SLC9A1: variants seen among roughly 807,000 people sequenced by gnomAD.
The protein encoded by SLC9A1 is solute carrier family 9 member A1, also known as sodium/hydrogen exchanger 1.
In SLC9A1, 22 loss-of-function variants were observed where a neutral mutation model predicts 67.9. The observed-to-expected ratio is 0.32, with a 90% CI of 0.23 to 0.46. SLC9A1 has a LOEUF of 0.46. SLC9A1 is among the 20% of genes least tolerant of loss of function. The pLI is 1.00. For synonymous variants in SLC9A1, 421 were observed against 471.8 expected (o/e 0.89, Z 1.40); for missense variants, 686 against 1,094.8 (o/e 0.63, Z 5.27).
intron 1 of SLC9A1, among the ~76,000 whole-genome samples, chr1:27,121,177 T>C (rs1192781368): frequency 6.6e-6 from 1 of 152,178 alleles, no homozygotes; most frequent in Admixed American, 6.5e-5. Context: ...CTTCTATTTC[T>C]TGCTTGTTTC....
chr1:27,107,101 A>C, intron 4 of SLC9A1, among the ~76,000 whole-genome samples: 1 of 110,342 alleles, frequency 9.1e-6, no homozygotes. Context: ...CAGCCCCTCC[A>C]CACACACACA....
chr1:27,134,378 C>G (rs1397746580), intron 1 of SLC9A1, among the ~76,000 whole-genome samples: 3 of 152,226 alleles, frequency 2.0e-5, no homozygotes, highest in Non-Finnish European at 4.4e-5. Flanking sequence ...ATAACCAGCA[C>G]ACATCACTTT....
At chr1:27,128,242 G>A (rs996762667) in intron 1 of SLC9A1, among the ~76,000 whole-genome samples, 1 of 144,700 alleles carries the variant, frequency 6.9e-6, no homozygotes, top group Non-Finnish European at 1.6e-5. Flanking sequence ...GGCAAATCAC[G>A]GTACTGCCCT....
chr1:27,144,158 A>G (rs2083467943), intron 1 of SLC9A1, among the ~76,000 whole-genome samples: 1 of 152,264 alleles, frequency 6.6e-6, no homozygotes, highest in Non-Finnish European at 1.5e-5. Flanking sequence ...CTGTCCAGGT[A>G]CAACTATAAA....
In SLC9A1 at chr1:27,106,389, A is replaced by G. The variant is rs2083185053; in HGVS notation, c.1283-302T>C. On this transcript the variant is annotated intron_variant, in intron 4 of 11. Coordinates refer to ENST00000263980, the MANE Select transcript of SLC9A1 (RefSeq NM_003047.5). The surrounding 1 kb of genome is among the most constrained non-coding windows in gnomAD (Gnocchi z 4.3). ...GATCAAACAAGATGGGTCACAGGTC[A>G]ATACTTGTTAAATGTGATGGGTGTG... Among the ~76,000 whole-genome samples, 1 of 152,112 alleles carries G rather than the reference A, an allele frequency of 6.6e-6. No individual in the cohort carries two copies. The highest frequency in any genetic ancestry group is 2.4e-5 in the African/African-American group (1 of 41,420).
At chr1:27,138,056 C>T (rs367857801) in intron 1 of SLC9A1, among the ~76,000 whole-genome samples, 13 of 152,216 alleles carry the variant, frequency 8.5e-5, no homozygotes, top group African/African-American at 2.4e-4. Context: ...CCGACTCTAT[C>T]GCACTCCCAG....
chr1:27,100,319 G>C lies in SLC9A1; in HGVS notation c.2436C>G (p.Pro812=). ...GCTGGCCCTGGTGTTACTGCCCCTT[G>C]GGGAAGAACGGTTCTCCCTCCCCAG... ...PEPGEGEPFF[P]KGQ is the part of the protein sequence containing the mutation. Residue 812 remains proline, a synonymous_variant, in exon 12 of 12, where the codon CCC becomes CCG. Coordinates refer to ENST00000263980, the MANE Select transcript of SLC9A1 (RefSeq NM_003047.5). The surrounding 1 kb of genome is among the most constrained non-coding windows in gnomAD (Gnocchi z 5.6). The C allele has an allele frequency of 6.5e-7, 1 of 1,529,130 alleles. No homozygotes were observed. The allele number at this position is 1,529,130 out of a possible 1,614,324, so 94.7% of individuals were successfully genotyped here.
In SLC9A1 at chr1:27,118,969, G is replaced by T. The variant is rs36148530; in HGVS notation, c.353-4683C>A. 0.34 allele frequency among the ~76,000 whole-genome samples: 50,648 copies of T among 150,994 alleles called. 8,892 individuals carry two copies. Among genetic ancestry groups the T allele is most frequent in the Non-Finnish European group, 0.37 (25,137 of 67,744 alleles). On this transcript the variant is annotated intron_variant, in intron 1 of 11. Coordinates refer to ENST00000263980, the MANE Select transcript of SLC9A1 (RefSeq NM_003047.5). This position sits in a 1 kb window ranked among gnomAD's most constrained non-coding sequence, Gnocchi z 4.3. ...CCCTCTGACACAGTTCAGAGTTGGC[G>T]CTCCTTTTAGAAGAGGCTGGGGGAT...
At chr1:27,104,667 G>C (rs1023748897) in intron 5 of SLC9A1, among the ~76,000 whole-genome samples, 12 of 152,194 alleles carry the variant, frequency 7.9e-5, no homozygotes, top group Admixed American at 7.9e-4. Context: ...GGGATCATAG[G>C]CGTGAGCCAC....
chr1:27,101,140 C>T lies in SLC9A1; in HGVS notation c.2110+63G>A. 1 of 1,265,786 alleles carries T rather than the reference C, an allele frequency of 7.9e-7. No individual in the cohort carries two copies. Among genetic ancestry groups the T allele is most frequent in the South Asian group, 1.2e-5 (1 of 82,034 alleles). 78.4% of individuals were successfully genotyped at this position (1,265,786 alleles called of 1,614,324 possible). ...GTGGCTGAGGACTGTTCCTGTGGAG[C>T]CCCATCCTCAGGAGGTGGCAGCTCA... On this transcript the variant is annotated intron_variant, in intron 11 of 11. Transcript: ENST00000263980. The surrounding 1 kb of genome is among the most constrained non-coding windows in gnomAD (Gnocchi z 4.9).
chr1:27,123,760 C>T (rs1172186523), intron 1 of SLC9A1, among the ~76,000 whole-genome samples: 1 of 152,100 alleles, frequency 6.6e-6, no homozygotes, highest in Non-Finnish European at 1.5e-5. Context: ...ATCCACCTGC[C>T]TTGGCGTCCC....
intron 1 of SLC9A1, among the ~76,000 whole-genome samples, chr1:27,147,995 CA>C (rs376077372): frequency 6.6e-4 from 94 of 141,938 alleles, no homozygotes; most frequent in Admixed American, 6.3e-4. Context: ...ACTCTTGTAT[CA>C]AAAAAAAAAA....
chr1:27,103,585 C>T (rs778391322), intron 5 of SLC9A1: 8 of 501,938 alleles, frequency 1.6e-5, no homozygotes, highest in Non-Finnish European at 2.6e-5. Context: ...AGCAGACAGC[C>T]TGGGTTCAGA....
intron 2 of SLC9A1, among the ~76,000 whole-genome samples, chr1:27,113,001 A>G (rs1283467304): frequency 6.6e-6 from 1 of 152,088 alleles, no homozygotes; most frequent in Non-Finnish European, 1.5e-5. Context: ...TTTTGGAGAC[A>G]AGGCCCCTTT....
intron 1 of SLC9A1, among the ~76,000 whole-genome samples, chr1:27,149,481 C>G (rs544464135): frequency 6.6e-6 from 1 of 152,312 alleles, no homozygotes; most frequent in African/African-American, 2.4e-5. Context: ...CACACACACC[C>G]GTTCAACACA....
chr1:27,110,099 T>A (rs2083217681), intron 2 of SLC9A1, among the ~76,000 whole-genome samples: 1 of 152,224 alleles, frequency 6.6e-6, no homozygotes, highest in Non-Finnish European at 1.5e-5. Flanking sequence ...TTCATCTCCC[T>A]GTGTTTCAGT....
At chr1:27,151,269 C>G (rs905322608) in intron 1 of SLC9A1, among the ~76,000 whole-genome samples, 1 of 152,190 alleles carries the variant, frequency 6.6e-6, no homozygotes, top group African/African-American at 2.4e-5. Flanking sequence ...TTGAACACTT[C>G]CTGTGTATAC....
chr1:27,101,803 CGT>C lies in SLC9A1; in HGVS notation c.1957_1958del (p.Thr653AlafsTer56). On this transcript the variant is annotated frameshift_variant, in exon 10 of 12. Transcript: ENST00000263980. LOFTEE classifies it high-confidence loss of function. The surrounding 1 kb of genome is among the most constrained non-coding windows in gnomAD (Gnocchi z 4.9). ...RQRLRSYNRH[T>X]LVADPYEEAW... Reference sequence around the variant, plus strand: ...CTTCCTCGTAGGGGTCTGCCACCAGCGTGTGTCTGTTGTAGGACCGCAGCTGT... The same window carrying C: ...CTTCCTCGTAGGGGTCTGCCACCAGCGTGTCTGTTGTAGGACCGCAGCTGT... 5 of 1,612,384 alleles carry C rather than the reference CGT, an allele frequency of 3.1e-6. No homozygotes were observed. Among genetic ancestry groups the C allele is most frequent in the South Asian group, 1.1e-5 (1 of 91,010 alleles).
At chr1:27,153,539 T>A (rs1403817228) in intron 1 of SLC9A1, among the ~76,000 whole-genome samples, 1 of 152,172 alleles carries the variant, frequency 6.6e-6, no homozygotes, top group Non-Finnish European at 1.5e-5. Flanking sequence ...AGAAATATAC[T>A]CCATCCTGGA....
Sources: allele counts gnomAD v4.1 joint callset (sites outside exome capture counted in the v4.1 genomes callset), GRCh38; gene constraint gnomAD v4.1.1; non-coding constraint Gnocchi (gnomAD v3.1); transcripts MANE v1.5; gene names NCBI Gene and HGNC (gene_info 2026-07-23, HGNC 2026-07-21).